The following AGBL4 variants were observed in gnomAD, a reference collection of about 807,000 sequenced individuals.
AGBL4 encodes the protein cytosolic carboxypeptidase 6.
In AGBL4, 58 loss-of-function variants were observed where a neutral mutation model predicts 66.4. The observed-to-expected ratio is 0.87, with a 90% CI of 0.71 to 1.09. AGBL4 has a LOEUF of 1.09. AGBL4 is among the 50% of genes least tolerant of loss of function. The pLI, the probability that AGBL4 is intolerant of heterozygous loss-of-function variation, is 0.00. For missense variants in AGBL4, 579 were observed against 631.0 expected (o/e 0.92, Z 0.88); for synonymous variants, 234 against 222.9 (o/e 1.05, Z -0.44).
chr1:48,592,635 T>C (rs1008126936), intron 9 of AGBL4, among the ~76,000 whole-genome samples: 3 of 152,198 alleles, frequency 2.0e-5, no homozygotes, highest in Non-Finnish European at 4.4e-5. Context: ...GAGCTTTTGA[T>C]GAGCTGCACA....
chr1:49,708,746 A>G (rs987672356), intron 2 of AGBL4, among the ~76,000 whole-genome samples: 2 of 152,076 alleles, frequency 1.3e-5, no homozygotes, highest in African/African-American at 4.8e-5. Flanking sequence ...TTGCATGGGC[A>G]TCCTTTATGC....
chr1:49,696,817 C>T (rs533771219), intron 3 of AGBL4, among the ~76,000 whole-genome samples: 28 of 152,216 alleles, frequency 1.8e-4, no homozygotes, highest in Admixed American at 1.2e-3. Flanking sequence ...AATATGGTTC[C>T]GAGTTTCCCA....
chr1:49,387,823 C>G (rs1485555423), intron 3 of AGBL4, among the ~76,000 whole-genome samples: 2 of 151,904 alleles, frequency 1.3e-5, no homozygotes, highest in Admixed American at 1.3e-4. Context: ...TTCATAAAGG[C>G]TCTAACAGGT....
rs61121922 is a variant in AGBL4, at chr1:48,707,245, G to T, written c.635-44004C>A. Among the ~76,000 whole-genome samples, 10 of 152,302 alleles carry T rather than the reference G, an allele frequency of 6.6e-5. No individual in the cohort carries two copies. In the East Asian group the frequency reaches 1.7e-3, roughly 26 times the overall value. On this transcript the variant is annotated intron_variant, in intron 6 of 13. Coordinates refer to ENST00000371839, the MANE Select transcript of AGBL4 (RefSeq NM_032785.4). ...GGAGGCGGAGGTTGCAGTGAGCTAA[G>T]ATCATGCCACTGCACTCCAGCCTGG...
chr1:49,706,703 T>C (rs1034875385), intron 2 of AGBL4, among the ~76,000 whole-genome samples: 1 of 152,152 alleles, frequency 6.6e-6, no homozygotes, highest in African/African-American at 2.4e-5. Context: ...AATTTCCCTC[T>C]AAACACTGCT....
intron 6 of AGBL4, chr1:48,761,109 A>T: frequency 2.0e-6 from 1 of 501,918 alleles, no homozygotes; most frequent in South Asian, 2.4e-5. Context: ...CAGACTGTGC[A>T]AACAGGACCA....
intron 3 of AGBL4, among the ~76,000 whole-genome samples, chr1:49,613,390 T>TCCAGGCCATGGACCGGTA (rs1177100106): frequency 1.3e-5 from 2 of 152,110 alleles, no homozygotes; most frequent in African/African-American, 4.8e-5. Context: ...TTTCTCAACC[T>TCCAGGCCATGGACCGGTA]CCAGGCCATG....
At chr1:48,733,897 A>T (rs1167686315) in intron 6 of AGBL4, among the ~76,000 whole-genome samples, 1 of 152,210 alleles carries the variant, frequency 6.6e-6, no homozygotes, top group Non-Finnish European at 1.5e-5. Context: ...GATGAATCAG[A>T]TACAGTCCCC....
chr1:48,677,730 C>A (rs563943865), intron 6 of AGBL4, among the ~76,000 whole-genome samples: 41 of 142,242 alleles, frequency 2.9e-4, no homozygotes, highest in African/African-American at 1.2e-3. Flanking sequence ...ACGTCACACA[C>A]CCAGATCACA....
chr1:49,176,145 T>A (rs1646827291), intron 4 of AGBL4, among the ~76,000 whole-genome samples: 1 of 152,096 alleles, frequency 6.6e-6, no homozygotes, highest in Non-Finnish European at 1.5e-5. Flanking sequence ...GTGGTGATGA[T>A]GATGATGGTG....
intron 3 of AGBL4, among the ~76,000 whole-genome samples, chr1:49,354,738 T>C (rs1643983778): frequency 6.6e-6 from 1 of 152,210 alleles, no homozygotes; most frequent in Non-Finnish European, 1.5e-5. Context: ...ATTCTAGATG[T>C]TTCTGGTCAC....
chr1:49,142,322 C>T (rs1050074998), intron 4 of AGBL4, among the ~76,000 whole-genome samples: 1 of 152,112 alleles, frequency 6.6e-6, no homozygotes, highest in Non-Finnish European at 1.5e-5. Context: ...CTCCCTCCCC[C>T]TCACTGTCCT....
intron 2 of AGBL4, among the ~76,000 whole-genome samples, chr1:49,730,380 C>T (rs1649345474): frequency 6.6e-6 from 1 of 152,178 alleles, no homozygotes; most frequent in African/African-American, 2.4e-5. Context: ...CTCCCATTCA[C>T]CAGACTATGG....
At chr1:49,281,619 G>A (rs1031248320) in intron 3 of AGBL4, among the ~76,000 whole-genome samples, 3 of 152,220 alleles carry the variant, frequency 2.0e-5, no homozygotes, top group Non-Finnish European at 4.4e-5. Context: ...ACGATACTGT[G>A]ATTTATAATA....
chr1:49,766,230 A>G (rs1652722474), intron 2 of AGBL4, among the ~76,000 whole-genome samples: 1 of 152,198 alleles, frequency 6.6e-6, no homozygotes, highest in Non-Finnish European at 1.5e-5. Context: ...CCTTCAGCTA[A>G]CAGTGGACAT....
intron 3 of AGBL4, among the ~76,000 whole-genome samples, chr1:49,493,544 G>A (rs1368661700): frequency 6.6e-6 from 1 of 151,978 alleles, no homozygotes; most frequent in Non-Finnish European, 1.5e-5. Context: ...AGCTTTTCAG[G>A]TAGAAGGAAC....
intron 6 of AGBL4, among the ~76,000 whole-genome samples, chr1:48,681,466 A>C (rs1646453640): frequency 1.3e-5 from 2 of 152,166 alleles, no homozygotes; most frequent in African/African-American, 4.8e-5. Context: ...AGGGAGGATT[A>C]CTGGGGTGAG....
chr1:49,086,493 C>T (rs1176110305), intron 4 of AGBL4, among the ~76,000 whole-genome samples: 2 of 152,076 alleles, frequency 1.3e-5, no homozygotes, highest in East Asian at 3.9e-4. Context: ...AAGTTTACAG[C>T]CTCCCGTTGT....
intron 9 of AGBL4, among the ~76,000 whole-genome samples, chr1:48,630,099 C>T (rs1036199088): frequency 2.0e-5 from 3 of 152,150 alleles, no homozygotes; most frequent in Non-Finnish European, 2.9e-5. Flanking sequence ...GCCACAGTGT[C>T]CACAGGCAGC....
Sources: gnomAD v4.1 joint callset for allele counts (sites outside exome capture counted in the v4.1 genomes callset) on GRCh38, gnomAD v4.1.1 for gene constraint, MANE v1.5 for transcripts, NCBI Gene and HGNC (gene_info 2026-07-23, HGNC 2026-07-21) for gene names.